The following ANXA8 variants were observed in gnomAD, a reference collection of about 807,000 sequenced individuals.
ANXA8 encodes VAC-beta.
ANXA8 carries 9 observed loss-of-function variants against 26.8 expected under a neutral mutation model. The ratio of observed to expected loss-of-function variants is 0.34; its 90% CI spans 0.20 to 0.59. The LOEUF (loss-of-function observed/expected upper bound fraction) is 0.59. Ranked by LOEUF, ANXA8 falls within the 20% of genes least tolerant of loss-of-function variation. The pLI is 0.84. For missense variants in ANXA8, 83 were observed against 238.5 expected, an observed-to-expected ratio of 0.35 and a Z score of 4.29; for synonymous variants, 39 against 94.8, an observed-to-expected ratio of 0.41 and a Z score of 3.42.
chr10:47,658,562 G>C, the ANXA8 span, among the ~76,000 whole-genome samples: 64 of 142,960 alleles, frequency 4.5e-4, no homozygotes, highest in East Asian at 6.0e-4. Flanking sequence ...AAAATCTATA[G>C]GGATTTCTCA....
upstream of ANXA8, among the ~76,000 whole-genome samples, chr10:47,486,963 ACT>A (rs1458873010): frequency 8.8e-4 from 133 of 151,188 alleles, no homozygotes; most frequent in African/African-American, 3.1e-3. Flanking sequence ...ACAGAGCAAG[ACT>A]CTATCTCAAA....
At chr10:47,685,689 T>G in the ANXA8 span, among the ~76,000 whole-genome samples, 5 of 150,870 alleles carry the variant, frequency 3.3e-5, no homozygotes, top group Non-Finnish European at 7.4e-5. Flanking sequence ...GTGTGTGGAA[T>G]GGAAAGAGGT....
chr10:47,702,169 T>C, the ANXA8 span, among the ~76,000 whole-genome samples: 4 of 148,902 alleles, frequency 2.7e-5, no homozygotes, highest in African/African-American at 7.5e-5. Context: ...ATTTTTAATA[T>C]AGATAAATGG....
chr10:47,946,322 C>T, the ANXA8 span, among the ~76,000 whole-genome samples: 5 of 150,256 alleles, frequency 3.3e-5, no homozygotes, highest in Admixed American at 6.6e-5. Context: ...TGTATTCTTG[C>T]GATGGTTGGG....
the ANXA8 span, among the ~76,000 whole-genome samples, chr10:47,530,100 A>G: frequency 6.7e-5 from 9 of 135,020 alleles, no homozygotes; most frequent in South Asian, 7.3e-4. Context: ...ACAAATTATT[A>G]TCACATATCA....
At chr10:47,484,669 A>C (rs1187790355), upstream of ANXA8, 207 of 941,412 alleles carry the variant, frequency 2.2e-4, 4 homozygotes, top group African/African-American at 3.2e-3. Context: ...TCACTGGAGG[A>C]TGTGTGGTTA....
chr10:47,527,835 G>C, the ANXA8 span, among the ~76,000 whole-genome samples: 1 of 147,272 alleles, frequency 6.8e-6, no homozygotes, highest in African/African-American at 2.5e-5. Context: ...ACAAAAGCGT[G>C]AGTATACTTC....
the ANXA8 span, among the ~76,000 whole-genome samples, chr10:47,548,675 C>T: frequency 2.7e-5 from 4 of 147,860 alleles, no homozygotes; most frequent in African/African-American, 9.8e-5. Context: ...TTATCATTTC[C>T]ATAAATGTAC....
chr10:47,619,927 G>A, the ANXA8 span, among the ~76,000 whole-genome samples: 2 of 111,480 alleles, frequency 1.8e-5, 1 homozygote, highest in African/African-American at 7.0e-5. Context: ...CACCATCAAG[G>A]AAATTCATAG....
the ANXA8 span, chr10:47,581,592 T>C: frequency 2.1e-6 from 1 of 467,770 alleles, no homozygotes; most frequent in African/African-American, 2.1e-5. Flanking sequence ...AAGGCAAACA[T>C]GTAACTGATG....
chr10:47,706,648 C>T, the ANXA8 span: 9 of 969,524 alleles, frequency 9.3e-6, 1 homozygote. Flanking sequence ...TTGGAATCTT[C>T]TGCTAAAGAA....
At chr10:47,495,254 G>GCAT in the ANXA8 span, among the ~76,000 whole-genome samples, 5 of 115,962 alleles carry the variant, frequency 4.3e-5, no homozygotes, top group Admixed American at 1.9e-4. Flanking sequence ...TAGAAACATG[G>GCAT]CATTATTATT....
At chr10:47,486,972 C>CAAAACA (rs1243393744), upstream of ANXA8, among the ~76,000 whole-genome samples, 135 of 142,314 alleles carry the variant, frequency 9.5e-4, no homozygotes, top group Middle Eastern at 0.011. Context: ...GACTCTATCT[C>CAAAACA]AAAACAAAAA....
chr10:47,671,442 C>G, the ANXA8 span, among the ~76,000 whole-genome samples: 1 of 151,880 alleles, frequency 6.6e-6, no homozygotes, highest in African/African-American at 2.4e-5. Flanking sequence ...CAAAACAAAA[C>G]AAAACAAAAC....
chr10:47,947,914 G>C, the ANXA8 span, among the ~76,000 whole-genome samples: 1 of 150,974 alleles, frequency 6.6e-6, no homozygotes, highest in Non-Finnish European at 1.5e-5. Flanking sequence ...TTGGAAAGCA[G>C]TGAGCAGGCA....
At chr10:47,633,747 C>T in the ANXA8 span, among the ~76,000 whole-genome samples, 15 of 148,340 alleles carry the variant, frequency 1.0e-4, no homozygotes, top group Middle Eastern at 3.4e-3. Flanking sequence ...TTTTTAAAGG[C>T]CCTAAACTTC....
At chr10:47,777,499 C>T in the ANXA8 span, among the ~76,000 whole-genome samples, 18 of 152,292 alleles carry the variant, frequency 1.2e-4, no homozygotes, top group East Asian at 3.1e-3. Context: ...CCCTTACATA[C>T]ATTGCCTGCC....
the ANXA8 span, among the ~76,000 whole-genome samples, chr10:47,568,975 A>C: frequency 2.2e-5 from 1 of 45,010 alleles, no homozygotes. Context: ...ACTGTGATCT[A>C]ATTAGCCAGG....
At chr10:47,600,349 T>C in the ANXA8 span, among the ~76,000 whole-genome samples, 1 of 150,146 alleles carries the variant, frequency 6.7e-6, no homozygotes, top group African/African-American at 2.5e-5. Context: ...CTCCGCTCTC[T>C]GGTCTGAAGC....
Sources: allele counts gnomAD v4.1 joint callset (sites outside exome capture counted in the v4.1 genomes callset), GRCh38; gene constraint gnomAD v4.1.1; transcripts MANE v1.5; gene names NCBI Gene and HGNC (gene_info 2026-07-23, HGNC 2026-07-21).